Variants in CWF19L2 observed in about 807,000 individuals in gnomAD.
CWF19L2 encodes the protein CWF19-like protein 2.
A neutral mutation model predicts 111.7 loss-of-function variants in CWF19L2; 98 were observed. That is an observed-to-expected ratio of 0.88 (90% CI 0.75 to 1.04). The LOEUF is 1.04. Ranked by LOEUF, CWF19L2 falls within the 50% of genes least tolerant of loss-of-function variation. The pLI is 0.00. For synonymous variants in CWF19L2, 351 were observed against 342.9 expected, an observed-to-expected ratio of 1.02 and a Z score of -0.26; for missense variants, 1,101 against 1,051.4, an observed-to-expected ratio of 1.05 and a Z score of -0.65.
rs1861418189 is a variant in CWF19L2 at position 107,428,868 on chromosome 11, T to A, written c.1364A>T (p.Gln455Leu). The change falls in exon 8 of 18, where the codon CAA becomes CTA. Residue 455 changes from glutamine (Q) to leucine (L), a missense_variant. Gln to Leu is a moderately radical substitution (Grantham distance 113, BLOSUM62 -2). Coordinates refer to ENST00000282251, the MANE Select transcript of CWF19L2 (RefSeq NM_152434.3). ...AGGGTCATCTCTCAAGACTTCATCT[T>A]GTGATTTTTCTCTTGGGTCTTCTGG... Reference protein sequence around the residue: ...HVPEDPREKSQDEVLRDDPPK... With the variant: ...HVPEDPREKSLDEVLRDDPPK... The A allele has an allele frequency of 1.2e-6, 2 of 1,613,548 alleles. No individual in the cohort carries two copies. Among genetic ancestry groups the A allele is most frequent in the African/African-American group, 2.7e-5 (2 of 74,906 alleles).
intron 12 of CWF19L2, among the ~76,000 whole-genome samples, chr11:107,381,216 A>T (rs998663596): frequency 2.0e-5 from 3 of 152,168 alleles, no homozygotes; most frequent in African/African-American, 7.2e-5. Flanking sequence ...GTATACTGTA[A>T]ATGGTTAAAA....
intron 12 of CWF19L2, among the ~76,000 whole-genome samples, chr11:107,388,809 G>A (rs529256626): frequency 6.6e-6 from 1 of 152,242 alleles, no homozygotes; most frequent in South Asian, 2.1e-4. Context: ...TTCTGAAAAG[G>A]AAACTCTAAT....
chr11:107,441,598 A>C lies in CWF19L2; in HGVS notation c.475T>G (p.Phe159Val). ...IKRDEWMTVD[F>V]MSVKTVSSSS... is the part of the protein sequence containing the mutation. ...GATGACACAGTTTTAACAGACATAA[A>C]ATCAACAGTCATCCACTCATCCCTC... is the stretch of plus-strand genomic sequence containing the variant. Residue 159 changes from phenylalanine to valine, a missense_variant, in exon 5 of 18, where the codon TTT becomes GTT. Physicochemically the swap from Phe to Val is conservative, Grantham distance 50 (BLOSUM62 -1). Coordinates refer to ENST00000282251, the MANE Select transcript of CWF19L2 (RefSeq NM_152434.3). The C allele has an allele frequency of 6.5e-7, 1 of 1,540,306 alleles. No individual in the cohort carries two copies. Among genetic ancestry groups the C allele is most frequent in the Non-Finnish European group, 8.7e-7 (1 of 1,143,514 alleles).
At chr11:107,449,808 A>C (rs1048957628) in intron 3 of CWF19L2, among the ~76,000 whole-genome samples, 3 of 152,138 alleles carry the variant, frequency 2.0e-5, no homozygotes, top group African/African-American at 7.2e-5. Flanking sequence ...CAAAGAAAAA[A>C]TAGAAAAGGA....
At chr11:107,347,385 T>C (rs1326292203) in intron 14 of CWF19L2, among the ~76,000 whole-genome samples, 2 of 152,150 alleles carry the variant, frequency 1.3e-5, no homozygotes, top group African/African-American at 4.8e-5. Flanking sequence ...AGATACTCAC[T>C]AGGGTAGAAT....
chr11:107,439,575 G>T (rs1330144103), intron 5 of CWF19L2, among the ~76,000 whole-genome samples: 1 of 152,142 alleles, frequency 6.6e-6, no homozygotes, highest in Non-Finnish European at 1.5e-5. Flanking sequence ...CTTCCTAGAG[G>T]AAGTAATATG....
At chr11:107,337,686 G>A (rs1034634290) in intron 14 of CWF19L2, among the ~76,000 whole-genome samples, 1 of 152,060 alleles carries the variant, frequency 6.6e-6, no homozygotes, top group African/African-American at 2.4e-5. Flanking sequence ...AGGCCGAGGT[G>A]GGTAGGTCAC....
At chr11:107,357,036 C>T (rs947341041) in intron 12 of CWF19L2, among the ~76,000 whole-genome samples, 9 of 141,488 alleles carry the variant, frequency 6.4e-5, no homozygotes, top group African/African-American at 2.3e-4. Flanking sequence ...GAAACTGCGT[C>T]TCAAACAACA....
At chr11:107,353,129 C>T (rs1421042773) in intron 13 of CWF19L2, among the ~76,000 whole-genome samples, 1 of 152,150 alleles carries the variant, frequency 6.6e-6, no homozygotes, top group African/African-American at 2.4e-5. Flanking sequence ...TGCTTTATGA[C>T]AATTAATTCT....
At chr11:107,408,593 T>C (rs1239856268) in intron 10 of CWF19L2, among the ~76,000 whole-genome samples, 1 of 152,030 alleles carries the variant, frequency 6.6e-6, no homozygotes, top group Non-Finnish European at 1.5e-5. Flanking sequence ...AGTAATACTC[T>C]ATTTCAAGAA....
chr11:107,409,784 A>G (rs1335573266), intron 10 of CWF19L2, among the ~76,000 whole-genome samples: 2 of 152,152 alleles, frequency 1.3e-5, no homozygotes, highest in African/African-American at 4.8e-5. Context: ...TACTTGTGTG[A>G]TGGCCAGACT....
At chr11:107,428,662 T>C in intron 8 of CWF19L2, 137 bp downstream of exon 8, 1 of 713,058 alleles carries the variant, frequency 1.4e-6, no homozygotes, top group East Asian at 2.5e-5. Flanking sequence ...CTGTTAAATC[T>C]GCATATCTTA....
intron 3 of CWF19L2, among the ~76,000 whole-genome samples, chr11:107,443,372 G>A (rs784149): frequency 0.18 from 27,172 of 151,894 alleles, 2,616 homozygotes; most frequent in Middle Eastern, 0.27. Context: ...AATCCCAGCT[G>A]CTCAGGAGGC....
At chr11:107,365,255 A>G (rs1404435162) in intron 12 of CWF19L2, among the ~76,000 whole-genome samples, 5 of 146,576 alleles carry the variant, frequency 3.4e-5, no homozygotes, top group Non-Finnish European at 7.5e-5. Flanking sequence ...ACAAGGAGGA[A>G]CTGGTACCAT....
At chr11:107,435,109 T>C (rs1051869310) in intron 6 of CWF19L2, among the ~76,000 whole-genome samples, 1 of 152,154 alleles carries the variant, frequency 6.6e-6, no homozygotes, top group African/African-American at 2.4e-5. Flanking sequence ...ATTAATTCCA[T>C]TCTCCCATTC....
chr11:107,410,247 T>C (rs10502088), intron 10 of CWF19L2, among the ~76,000 whole-genome samples: 6,174 of 152,144 alleles, frequency 0.041, 316 homozygotes, highest in East Asian at 0.22. Context: ...CAAATCTCCA[T>C]AGTAGTAAAC....
rs113755538 is a variant in CWF19L2 at position 107,387,901 on chromosome 11, C to T, written c.1872+2173G>A. Among the ~76,000 whole-genome samples, 580 of 152,282 alleles carry T rather than the reference C, an allele frequency of 3.8e-3. 1 individual carries two copies. Among genetic ancestry groups the T allele is most frequent in the African/African-American group, 0.013 (524 of 41,550 alleles). ...ATGGCCCAGGGATATGGGCCCCCTGCCTTACGTAATCTGACTTATGTCTCC... is the reference window on the plus strand; with the variant it reads ...ATGGCCCAGGGATATGGGCCCCCTGTCTTACGTAATCTGACTTATGTCTCC... On this transcript the variant is annotated intron_variant, in intron 12 of 17. Coordinates refer to ENST00000282251, the MANE Select transcript of CWF19L2 (RefSeq NM_152434.3).
At chr11:107,401,466 A>G (rs964867484) in intron 10 of CWF19L2, among the ~76,000 whole-genome samples, 2 of 152,068 alleles carry the variant, frequency 1.3e-5, no homozygotes, top group African/African-American at 4.8e-5. Flanking sequence ...CCCCTGTTAC[A>G]ATAGCTGCAA....
chr11:107,353,126 T>C (rs1177237908), intron 13 of CWF19L2, among the ~76,000 whole-genome samples: 1 of 152,200 alleles, frequency 6.6e-6, no homozygotes, highest in Non-Finnish European at 1.5e-5. Flanking sequence ...ACTTGCTTTA[T>C]GACAATTAAT....
Sources: allele counts gnomAD v4.1 joint callset (sites outside exome capture counted in the v4.1 genomes callset), GRCh38; gene constraint gnomAD v4.1.1; transcripts MANE v1.5; gene names NCBI Gene and HGNC (gene_info 2026-07-23, HGNC 2026-07-21).